NOL4: variants seen among roughly 807,000 people sequenced by gnomAD.
The protein encoded by NOL4 is cancer/testis antigen 125.
NOL4 carries 17 observed loss-of-function variants against 75.9 expected under a neutral mutation model. The observed-to-expected ratio is 0.22, with a 90% CI of 0.15 to 0.34. The LOEUF (loss-of-function observed/expected upper bound fraction) is 0.34, where lower values mean the gene tolerates loss of function less well. Among genes scored for constraint, NOL4 ranks in the 10% least tolerant of loss-of-function variants. NOL4 has a pLI of 1.00. For missense variants in NOL4, 614 were observed against 793.5 expected (o/e 0.77, Z 2.72); for synonymous variants, 292 against 289.9 (o/e 1.01, Z -0.07).
intron 1 of NOL4, among the ~76,000 whole-genome samples, chr18:34,208,424 G>C (rs992602342): frequency 5.3e-5 from 8 of 150,854 alleles, no homozygotes; most frequent in African/African-American, 1.7e-4. Flanking sequence ...GATGTCCTCA[G>C]CTAGATGACA....
At chr18:34,035,722 T>C (rs2075861667) in intron 5 of NOL4, among the ~76,000 whole-genome samples, 1 of 151,552 alleles carries the variant, frequency 6.6e-6, no homozygotes, top group Non-Finnish European at 1.5e-5. Context: ...ACAAAACTAA[T>C]AATTATTAGA....
At chr18:33,903,062 T>C (rs1306258190) in intron 9 of NOL4, among the ~76,000 whole-genome samples, 1 of 152,200 alleles carries the variant, frequency 6.6e-6, no homozygotes, top group East Asian at 1.9e-4. Flanking sequence ...GTCAAAGCTA[T>C]AAAGTTAATC....
intron 1 of NOL4, among the ~76,000 whole-genome samples, chr18:34,171,798 C>T (rs2033067126): frequency 6.6e-6 from 1 of 152,114 alleles, no homozygotes; most frequent in African/African-American, 2.4e-5. Context: ...CTGACCATGA[C>T]TTTTATCAAG....
At chr18:34,143,577 A>T (rs750373915) in intron 1 of NOL4, among the ~76,000 whole-genome samples, 6 of 152,090 alleles carry the variant, frequency 3.9e-5, no homozygotes, top group Non-Finnish European at 7.4e-5. Context: ...CATTAAACTG[A>T]AACTTCTGGC....
chr18:34,143,290 T>C (rs1307327733), intron 1 of NOL4, among the ~76,000 whole-genome samples: 1 of 152,238 alleles, frequency 6.6e-6, no homozygotes, highest in East Asian at 1.9e-4. Flanking sequence ...TTATAAACAG[T>C]ACTGATATAA....
chr18:34,055,894 A>G (rs890076058), intron 5 of NOL4, among the ~76,000 whole-genome samples: 1 of 151,830 alleles, frequency 6.6e-6, no homozygotes, highest in Non-Finnish European at 1.5e-5. Context: ...TTTGCTATTA[A>G]GTCTCTCTAA....
chr18:34,143,126 G>A (rs1295113809), intron 1 of NOL4, among the ~76,000 whole-genome samples: 1 of 151,962 alleles, frequency 6.6e-6, no homozygotes, highest in Admixed American at 6.6e-5. Context: ...ACCAAGTGGA[G>A]GAGCTCATGC....
chr18:34,103,569 G>T (rs532843235), intron 4 of NOL4, among the ~76,000 whole-genome samples: 1 of 151,898 alleles, frequency 6.6e-6, no homozygotes, highest in Non-Finnish European at 1.5e-5. Flanking sequence ...ATAATATATA[G>T]AATAGCAGTT....
chr18:34,085,128 T>A (rs959389866), intron 5 of NOL4, among the ~76,000 whole-genome samples: 1 of 152,222 alleles, frequency 6.6e-6, no homozygotes, highest in African/African-American at 2.4e-5. Flanking sequence ...TATAAATCAA[T>A]AGGTTCAAAA....
In NOL4 at chr18:33,874,444, T is replaced by C. The variant is rs1008545339; in HGVS notation, c.1723+8800A>G. Among the ~76,000 whole-genome samples, 5 of 152,092 alleles carry C rather than the reference T, an allele frequency of 3.3e-5. No homozygotes were observed. The South Asian group carries it at 6.2e-4, about 19-fold the overall frequency. On this transcript the variant is annotated intron_variant, in intron 10 of 10. Coordinates refer to ENST00000261592, the MANE Select transcript of NOL4 (RefSeq NM_003787.5). ...AGAACATACTTTAAGAAGACATCCTTAACTCCAACTGATTATTCCCATACT... is the reference window on the plus strand; with the variant it reads ...AGAACATACTTTAAGAAGACATCCTCAACTCCAACTGATTATTCCCATACT...
rs374244677 is a variant in NOL4, at chr18:33,875,096, C to G, written c.1723+8148G>C. 1.5e-4 allele frequency among the ~76,000 whole-genome samples: 23 copies of G among 152,078 alleles called. No homozygotes were observed. The East Asian group carries it at 3.1e-3, about 21-fold the overall frequency. ...AAAAACAAATTGAAAAGTCTCCCCCCACGGAGTTTGTAGAGCAGAAACATC... is the reference window on the plus strand; with the variant it reads ...AAAAACAAATTGAAAAGTCTCCCCCGACGGAGTTTGTAGAGCAGAAACATC... On this transcript the variant is annotated intron_variant, in intron 10 of 10. Transcript: ENST00000261592.
chr18:34,198,309 C>T (rs1343565707), intron 1 of NOL4, among the ~76,000 whole-genome samples: 1 of 151,706 alleles, frequency 6.6e-6, no homozygotes, highest in African/African-American at 2.4e-5. Flanking sequence ...TCATTGATTT[C>T]CAATCCTCCT....
chr18:33,868,729 C>A (rs2063552414), intron 10 of NOL4, among the ~76,000 whole-genome samples: 1 of 150,726 alleles, frequency 6.6e-6, no homozygotes, highest in Non-Finnish European at 1.5e-5. Context: ...TAGTTTATTC[C>A]ACTCCTTTAA....
At chr18:34,110,128 CA>C (rs57576599) in intron 2 of NOL4, among the ~76,000 whole-genome samples, 278 of 47,854 alleles carry the variant, frequency 5.8e-3, no homozygotes, top group Middle Eastern at 0.037. Context: ...CGCCCTCCCA[CA>C]AAAAAAAAAA....
At chr18:34,166,655 T>C (rs928865979) in intron 1 of NOL4, among the ~76,000 whole-genome samples, 3 of 152,096 alleles carry the variant, frequency 2.0e-5, no homozygotes, top group Non-Finnish European at 4.4e-5. Context: ...ATAATTTACA[T>C]ACAGTTGACC....
intron 9 of NOL4, among the ~76,000 whole-genome samples, chr18:33,921,291 G>A (rs1198897195): frequency 6.6e-6 from 1 of 152,150 alleles, no homozygotes; most frequent in African/African-American, 2.4e-5. Context: ...ATTGGACTTA[G>A]AGTTGATGCT....
intron 6 of NOL4, among the ~76,000 whole-genome samples, chr18:33,991,094 C>A (rs1360874314): frequency 6.6e-6 from 1 of 151,920 alleles, no homozygotes; most frequent in East Asian, 1.9e-4. Flanking sequence ...CTTTCATTTT[C>A]TTCTCATTCA....
chr18:34,027,371 G>T (rs528483373), intron 5 of NOL4, among the ~76,000 whole-genome samples: 1 of 152,286 alleles, frequency 6.6e-6, no homozygotes, highest in African/African-American at 2.4e-5. Flanking sequence ...AGTGATAATT[G>T]TTGGGGGTTA....
intron 5 of NOL4, among the ~76,000 whole-genome samples, chr18:34,042,211 T>C (rs2076170983): frequency 6.6e-6 from 1 of 151,982 alleles, no homozygotes; most frequent in Non-Finnish European, 1.5e-5. Flanking sequence ...CTGCAACCCA[T>C]TCAATCAAAT....
Sources: allele counts gnomAD v4.1 joint callset (sites outside exome capture counted in the v4.1 genomes callset), GRCh38; gene constraint gnomAD v4.1.1; transcripts MANE v1.5; gene names NCBI Gene and HGNC (gene_info 2026-07-23, HGNC 2026-07-21).